The following FAM167A variants were observed in gnomAD, a reference collection of about 807,000 sequenced individuals.
The protein encoded by FAM167A is family with sequence similarity 167 member A, also known as protein FAM167A.
In FAM167A, 23 loss-of-function variants were observed where a neutral mutation model predicts 14.9. The ratio of observed to expected loss-of-function variants is 1.55; its 90% CI spans 1.11 to 2.19. The LOEUF (loss-of-function observed/expected upper bound fraction) is 2.19, where lower values mean the gene tolerates loss of function less well. Among genes scored for constraint, FAM167A ranks in the 30% most tolerant of loss-of-function variants. The pLI, the probability that FAM167A is intolerant of heterozygous loss-of-function variation, is 0.00. For missense variants in FAM167A, 401 were observed against 281.5 expected, an observed-to-expected ratio of 1.42 and a Z score of -3.04; for synonymous variants, 174 against 117.7, an observed-to-expected ratio of 1.48 and a Z score of -3.10.
chr8:11,442,474 G>A (rs1377812203), intron 2 of FAM167A, among the ~76,000 whole-genome samples: 1 of 152,190 alleles, frequency 6.6e-6, no homozygotes, highest in African/African-American at 2.4e-5. Flanking sequence ...TGGGCGCTAT[G>A]CGGAATGCTA....
chr8:11,424,212 G>A lies in FAM167A; in HGVS notation c.*161C>T. ...TGGCATCCACACCCAGGGCCCCTGG[G>A]TGGGAGAGCACCACTGAATAGGTCC... is the stretch of plus-strand genomic sequence containing the variant. On this transcript the variant is annotated 3_prime_UTR_variant, in exon 3 of 3. Transcript: ENST00000284486. The A allele has an allele frequency of 2.4e-6, 2 of 833,830 alleles. No individual in the cohort carries two copies. Among genetic ancestry groups the A allele is most frequent in the Non-Finnish European group, 3.6e-6 (2 of 548,254 alleles). The allele number at this position is 833,830 out of a possible 1,614,324, so 51.7% of individuals were successfully genotyped here. A position where few individuals can be genotyped will look rare whatever the true frequency, so the allele number is the denominator to read the frequency against.
chr8:11,470,148 G>T (rs901399707), upstream of FAM167A, among the ~76,000 whole-genome samples: 2 of 152,170 alleles, frequency 1.3e-5, no homozygotes, highest in African/African-American at 4.8e-5. Context: ...AAGCAATATT[G>T]TGAGTGATAG....
chr8:11,432,596 G>A (rs548746664), intron 2 of FAM167A, among the ~76,000 whole-genome samples: 1 of 152,326 alleles, frequency 6.6e-6, no homozygotes, highest in Non-Finnish European at 1.5e-5. Context: ...GCAGAAATAG[G>A]AATGCTTTTA....
intron 1 of FAM167A, among the ~76,000 whole-genome samples, chr8:11,457,104 C>T (rs537187433): frequency 1.5e-3 from 4 of 2,742 alleles, no homozygotes; most frequent in Middle Eastern, 0.5. Context: ...GGGAAATGGG[C>T]GGGGCTGGGT....
intron 1 of FAM167A, among the ~76,000 whole-genome samples, chr8:11,455,961 C>CTG (rs1280585394): frequency 1.0e-5 from 1 of 95,480 alleles, no homozygotes; most frequent in Non-Finnish European, 2.0e-5. Flanking sequence ...GGTTGCCTTG[C>CTG]TGTGAGTGAG....
chr8:11,469,265 T>G (rs1305277530), upstream of FAM167A, among the ~76,000 whole-genome samples: 2 of 152,212 alleles, frequency 1.3e-5, no homozygotes, highest in Non-Finnish European at 2.9e-5. Flanking sequence ...ATGGAGGATT[T>G]AAAATGTCTT....
At chr8:11,435,606 C>T (rs1805951241) in intron 2 of FAM167A, among the ~76,000 whole-genome samples, 1 of 152,214 alleles carries the variant, frequency 6.6e-6, no homozygotes, top group African/African-American at 2.4e-5. Context: ...CTGACCGCCA[C>T]CCTCTGGGAT....
At chr8:11,453,550 A>G (rs1228308678) in intron 1 of FAM167A, among the ~76,000 whole-genome samples, 3 of 152,196 alleles carry the variant, frequency 2.0e-5, no homozygotes, top group African/African-American at 7.2e-5. Context: ...TGGCAGGGCA[A>G]GGACTGAAAC....
At chr8:11,425,674 C>CG (rs936761191) in intron 2 of FAM167A, among the ~76,000 whole-genome samples, 2 of 151,938 alleles carry the variant, frequency 1.3e-5, no homozygotes, top group Non-Finnish European at 2.9e-5. Flanking sequence ...TTATACCCCC[C>CG]CTTGCTGTTG....
Position 11,427,946 on chromosome 8 carries a change from C to T in FAM167A, c.382-3310G>A, listed in dbSNP as rs527846112. 2.0e-5 allele frequency among the ~76,000 whole-genome samples: 3 copies of T among 152,234 alleles called. No homozygotes were observed. In the South Asian group the frequency reaches 6.2e-4, roughly 32 times the overall value. ...TTTTGTAATGGTGTCCCTCACTGAGCCTGGAACGGAGCTAGGTGCTACCTA... is the reference window on the plus strand; with the variant it reads ...TTTTGTAATGGTGTCCCTCACTGAGTCTGGAACGGAGCTAGGTGCTACCTA... On this transcript the variant is annotated intron_variant, in intron 2 of 2. Transcript: ENST00000284486.
At chr8:11,458,037 A>C (rs184757603) in intron 1 of FAM167A, among the ~76,000 whole-genome samples, 7 of 151,780 alleles carry the variant, frequency 4.6e-5, no homozygotes, top group Non-Finnish European at 1.0e-4. Context: ...GTCAGCGAAC[A>C]AAGTCCAGCC....
In FAM167A at chr8:11,422,609, C is replaced by G. The variant is rs1336961149; in HGVS notation, c.*1764G>C. 1 of 152,514 alleles carries G rather than the reference C, an allele frequency of 6.6e-6. No homozygotes were observed. The highest frequency in any genetic ancestry group is 2.1e-4 in the South Asian group (1 of 4,832). 9.4% of individuals were successfully genotyped at this position (152,514 alleles called of 1,614,324 possible). On this transcript the variant is annotated 3_prime_UTR_variant, in exon 3 of 3. Transcript: ENST00000284486. ...TGCCTACTTTGAAGGAGGCATAGAA[C>G]TTCTGGCTCTTTGAAATTTTAAAAA...
At chr8:11,460,995 G>A (rs1807514816) in intron 1 of FAM167A, among the ~76,000 whole-genome samples, 1 of 152,248 alleles carries the variant, frequency 6.6e-6, no homozygotes. Context: ...CAGGAAGGCT[G>A]GGAGCGCGGA....
intron 1 of FAM167A, among the ~76,000 whole-genome samples, chr8:11,460,777 C>G (rs1056791391): frequency 4.6e-5 from 7 of 152,162 alleles, no homozygotes; most frequent in African/African-American, 1.7e-4. Context: ...ATGAGTGGCG[C>G]TGGCTGCGCT....
At chr8:11,458,699 G>T (rs943793333) in intron 1 of FAM167A, among the ~76,000 whole-genome samples, 1 of 152,162 alleles carries the variant, frequency 6.6e-6, no homozygotes, top group Non-Finnish European at 1.5e-5. Flanking sequence ...GCTCAGCTGG[G>T]AGGATATAAG....
At chr8:11,428,342 C>A (rs1248536018) in intron 2 of FAM167A, among the ~76,000 whole-genome samples, 1 of 152,254 alleles carries the variant, frequency 6.6e-6, no homozygotes, top group Non-Finnish European at 1.5e-5. Flanking sequence ...CCATCAGAGG[C>A]AGCTAGAAAG....
chr8:11,463,577 T>C (rs1215419917), intron 1 of FAM167A, among the ~76,000 whole-genome samples: 1 of 152,194 alleles, frequency 6.6e-6, no homozygotes, highest in Admixed American at 6.5e-5. Flanking sequence ...CTAGGCTCTT[T>C]CCATACCTGC....
intron 2 of FAM167A, chr8:11,433,818 A>G (rs1417499831): frequency 6.6e-6 from 1 of 152,198 alleles, no homozygotes; most frequent in Non-Finnish European, 1.5e-5. Context: ...GGCCCAGAAC[A>G]TGTTCCACTG....
chr8:11,470,087 T>A (rs1807907842), upstream of FAM167A, among the ~76,000 whole-genome samples: 1 of 152,084 alleles, frequency 6.6e-6, no homozygotes, highest in South Asian at 2.1e-4. Context: ...GAACTGATAA[T>A]CTAGCAGAGG....
Sources: gnomAD v4.1 joint callset for allele counts (sites outside exome capture counted in the v4.1 genomes callset) on GRCh38, gnomAD v4.1.1 for gene constraint, MANE v1.5 for transcripts, NCBI Gene and HGNC (gene_info 2026-07-23, HGNC 2026-07-21) for gene names.